The following REPS2 variants were observed in gnomAD, a reference collection of about 807,000 sequenced individuals.
The protein encoded by REPS2 is RALBP1 associated Eps domain containing 2, also known as ralBP1-associated Eps domain-containing protein 2.
Under a neutral mutation model 53.6 loss-of-function variants are expected in REPS2, and 23 were observed. The ratio of observed to expected loss-of-function variants is 0.43; its 90% CI spans 0.31 to 0.61. The LOEUF is 0.61. Ranked by LOEUF, REPS2 falls within the 20% of genes least tolerant of loss-of-function variation. The pLI is 0.11. For missense variants in REPS2, 446 were observed against 534.9 expected, an observed-to-expected ratio of 0.83 and a Z score of 1.64; for synonymous variants, 238 against 218.6, an observed-to-expected ratio of 1.09 and a Z score of -0.78.
At chrX:17,052,099 A>G (rs770161884) in intron 6 of REPS2, among the ~76,000 whole-genome samples, 1 of 112,620 alleles carries the variant, frequency 8.9e-6, no homozygotes, top group South Asian at 3.6e-4. Flanking sequence ...AAAATTTTGC[A>G]GATTTTGGTA....
Position 16,957,077 on chromosome X carries a change from A to G in REPS2, c.273+9943A>G, listed in dbSNP as rs779652833. On this transcript the variant is annotated intron_variant, in intron 1 of 17. Coordinates refer to ENST00000357277, the MANE Select transcript of REPS2 (RefSeq NM_004726.3). Reference sequence around the variant, plus strand: ...ATGTTTCACCTGTGCTAATTTTCCAAATAATTAAAGTGAATCCCATAAATG... The same window carrying G: ...ATGTTTCACCTGTGCTAATTTTCCAGATAATTAAAGTGAATCCCATAAATG... 1.2e-4 allele frequency among the ~76,000 whole-genome samples: 14 copies of G among 112,245 alleles called. No individual in the cohort carries two copies. In the East Asian group the frequency reaches 3.9e-3, roughly 31 times the overall value.
intron 13 of REPS2, among the ~76,000 whole-genome samples, chrX:17,102,898 A>G (rs1468492290): frequency 8.9e-6 from 1 of 112,574 alleles, no homozygotes; most frequent in Non-Finnish European, 1.9e-5. Flanking sequence ...GGAGTTTTGT[A>G]AAGAATGTGG....
intron 6 of REPS2, among the ~76,000 whole-genome samples, chrX:17,048,979 T>A (rs948570874): frequency 8.9e-6 from 1 of 112,040 alleles, no homozygotes; most frequent in African/African-American, 3.2e-5. Flanking sequence ...CACTGCAGCC[T>A]CCGCCTCCCG....
At chrX:17,178,797 G>A in the REPS2 span, among the ~76,000 whole-genome samples, 20 of 110,311 alleles carry the variant, frequency 1.8e-4, no homozygotes, top group Non-Finnish European at 3.4e-4. Context: ...GTGTGGTGGC[G>A]TCGGAGGCAG....
At chrX:17,119,519 G>A (rs1405417855) in intron 14 of REPS2, among the ~76,000 whole-genome samples, 1 of 111,946 alleles carries the variant, frequency 8.9e-6, no homozygotes, top group Admixed American at 9.5e-5. Context: ...TGTGCTCACT[G>A]TAGGCCCACA....
At chrX:17,083,668 C>T (rs1488573168) in intron 13 of REPS2, among the ~76,000 whole-genome samples, 4 of 111,469 alleles carry the variant, frequency 3.6e-5, no homozygotes, top group Non-Finnish European at 7.5e-5. Flanking sequence ...CCAAACTTAC[C>T]TTTCAGGTTC....
intron 13 of REPS2, chrX:17,099,953 A>C: frequency 8.6e-7 from 1 of 1,156,526 alleles, no homozygotes; most frequent in South Asian, 1.8e-5. Context: ...CTGTAGCTCC[A>C]ATAATCTGCT....
chrX:17,158,365 A>G, the REPS2 span, among the ~76,000 whole-genome samples: 2 of 111,939 alleles, frequency 1.8e-5, no homozygotes, highest in East Asian at 2.8e-4. Context: ...AGTGGTGGAA[A>G]AGATGGTCTT....
At position 17,153,167 on chromosome X, in the gene REPS2, C is replaced by G. The variant is rs1389903548; in HGVS notation, c.*5686C>G. ...CTAACCTTACTGCCTCTTTTTCACA[C>G]TTGTTGAAAAGTCTGTGAAGAACAT... On this transcript the variant is annotated 3_prime_UTR_variant, in exon 18 of 18. Transcript: ENST00000357277. 1 of 112,325 alleles carries G rather than the reference C, an allele frequency of 8.9e-6. No homozygotes were observed. The highest frequency in any genetic ancestry group is 2.8e-4 in the East Asian group (1 of 3,584). The allele number at this position is 112,325 out of a possible 1,213,427, so 9.3% of individuals were successfully genotyped here.
In REPS2 at chrX:17,083,524, G is replaced by T. The variant is rs950306636; in HGVS notation, c.1516+6117G>T. 6.3e-5 allele frequency among the ~76,000 whole-genome samples: 7 copies of T among 111,938 alleles called. No homozygotes were observed. In the Admixed American group the frequency reaches 6.6e-4, roughly 11 times the overall value. ...GGTAAAACGTCATGGTAAGGGCTCT[G>T]TCTTAACTTGGAAGTGGCTGTGTTT... On this transcript the variant is annotated intron_variant, in intron 13 of 17. Coordinates refer to ENST00000357277, the MANE Select transcript of REPS2 (RefSeq NM_004726.3).
chrX:17,058,859 A>T (rs1036246706), intron 8 of REPS2, among the ~76,000 whole-genome samples: 1 of 111,811 alleles, frequency 8.9e-6, no homozygotes, highest in Non-Finnish European at 1.9e-5. Flanking sequence ...ACCTATGTTT[A>T]TCATTGTATG....
chrX:17,111,171 G>C lies in REPS2; in HGVS notation c.1578+7392G>C, dbSNP rs192481858. 6.2e-5 allele frequency among the ~76,000 whole-genome samples: 7 copies of C among 112,179 alleles called. No homozygotes were observed. In the East Asian group the frequency reaches 2.0e-3, roughly 31 times the overall value. ...ATGTGAACAATAGAGAAATGTCACT[G>C]CTTTTAAAATTGCATGTTTTTTTTA... On this transcript the variant is annotated intron_variant, in intron 14 of 17. Transcript: ENST00000357277.
intron 4 of REPS2, among the ~76,000 whole-genome samples, chrX:17,027,807 T>G (rs1176025917): frequency 9.1e-6 from 1 of 109,816 alleles, no homozygotes; most frequent in African/African-American, 3.3e-5. Flanking sequence ...AGAAAGAGAG[T>G]TGAGTAATAG....
In REPS2 at chrX:17,074,132, A is replaced by G. The variant is rs755307277; in HGVS notation, c.1352A>G (p.Asn451Ser). 6.6e-6 allele frequency: 8 copies of G among 1,208,485 alleles called. No individual in the cohort carries two copies. Among genetic ancestry groups the G allele is most frequent in the Middle Eastern group, 2.3e-4 (1 of 4,370 alleles). Residue 451 changes from asparagine to serine, a missense_variant, in exon 12 of 18, where the codon AAC (asparagine) becomes AGC (serine). Coordinates refer to ENST00000357277, the MANE Select transcript of REPS2 (RefSeq NM_004726.3). ...GTTTCAGCAACTCCCAAGGATTCCA[A>G]CAGTCTCAAAGCAAGACCAAGATCC... ...SEDPATPKDS[N>S]SLKARPRSRS...
intron 14 of REPS2, among the ~76,000 whole-genome samples, chrX:17,113,543 C>T (rs779958657): frequency 9.0e-6 from 1 of 111,513 alleles, no homozygotes; most frequent in African/African-American, 3.3e-5. Flanking sequence ...TCTCTAGATT[C>T]ATGTATCATG....
chrX:17,177,118 T>C, the REPS2 span, among the ~76,000 whole-genome samples: 1 of 112,080 alleles, frequency 8.9e-6, no homozygotes, highest in African/African-American at 3.2e-5. Context: ...GGCACTCCAT[T>C]AAGACTGAAA....
At chrX:17,179,500 A>G in the REPS2 span, among the ~76,000 whole-genome samples, 1 of 111,448 alleles carries the variant, frequency 9.0e-6, no homozygotes, top group Non-Finnish European at 1.9e-5. Flanking sequence ...CCAACCATAT[A>G]AGTGAACCAT....
chrX:16,978,294 C>T (rs1484992485), intron 1 of REPS2, among the ~76,000 whole-genome samples: 3 of 112,061 alleles, frequency 2.7e-5, no homozygotes, highest in Admixed American at 9.5e-5. Flanking sequence ...TTACTGAGTA[C>T]TATCCTTCAG....
At chrX:17,084,251 A>G (rs1275002133) in intron 13 of REPS2, among the ~76,000 whole-genome samples, 1 of 112,104 alleles carries the variant, frequency 8.9e-6, no homozygotes, top group Non-Finnish European at 1.9e-5. Flanking sequence ...ATGAATCAAT[A>G]CTTCATTCCT....
Sources: allele counts gnomAD v4.1 joint callset (sites outside exome capture counted in the v4.1 genomes callset), GRCh38; gene constraint gnomAD v4.1.1; transcripts MANE v1.5; gene names NCBI Gene and HGNC (gene_info 2026-07-23, HGNC 2026-07-21).